DSCAM: variants seen among roughly 807,000 people sequenced by gnomAD.
DSCAM encodes the protein DS cell adhesion molecule.
In DSCAM, 47 loss-of-function variants were observed where a neutral mutation model predicts 217.7. That is an observed-to-expected ratio of 0.22 (90% CI 0.17 to 0.28). The LOEUF (loss-of-function observed/expected upper bound fraction) is 0.28. Among genes scored for constraint, DSCAM ranks in the 10% least tolerant of loss-of-function variants. The probability of loss-of-function intolerance (pLI) is 1.00; values close to 1 mark genes in which losing one functional copy is unlikely to be tolerated. For synonymous variants in DSCAM, 1,056 were observed against 1,015.3 expected, an observed-to-expected ratio of 1.04 and a Z score of -0.76; for missense variants, 2,080 against 2,618.3, an observed-to-expected ratio of 0.79 and a Z score of 4.49.
intron 3 of DSCAM, among the ~76,000 whole-genome samples, chr21:40,469,541 TAAAGCAA>T (rs2075871631): frequency 6.6e-6 from 1 of 152,082 alleles, no homozygotes; most frequent in Admixed American, 6.5e-5. Context: ...GTTAGATGTT[TAAAGCAA>T]AAAGGAAAAA....
At chr21:40,026,134 G>GT (rs1165651094) in intron 32 of DSCAM, among the ~76,000 whole-genome samples, 1 of 141,898 alleles carries the variant, frequency 7.0e-6, no homozygotes, top group Non-Finnish European at 1.6e-5. Flanking sequence ...TATGTACCCA[G>GT]TAGTCATTCA....
chr21:40,119,008 G>T (rs1056348238), intron 20 of DSCAM, among the ~76,000 whole-genome samples: 6 of 152,172 alleles, frequency 3.9e-5, no homozygotes, highest in Non-Finnish European at 2.9e-5. Context: ...GCGCCTCAGA[G>T]ATTTCTTTCT....
intron 3 of DSCAM, among the ~76,000 whole-genome samples, chr21:40,686,248 C>G (rs958467098): frequency 6.7e-6 from 1 of 149,670 alleles, no homozygotes; most frequent in Non-Finnish European, 1.5e-5. Context: ...ACACCACACA[C>G]AGCACACACT....
At chr21:40,173,103 A>G (rs1469929257) in intron 15 of DSCAM, among the ~76,000 whole-genome samples, 1 of 152,194 alleles carries the variant, frequency 6.6e-6, no homozygotes, top group Non-Finnish European at 1.5e-5. Flanking sequence ...TACAGCAGTG[A>G]GTGAGCAGAA....
At chr21:40,564,870 C>T (rs1264974115) in intron 3 of DSCAM, among the ~76,000 whole-genome samples, 1 of 146,000 alleles carries the variant, frequency 6.8e-6, no homozygotes. Context: ...ATAAGGAGAA[C>T]TGGTGTGCCA....
chr21:40,507,310 A>T (rs941986541), intron 3 of DSCAM, among the ~76,000 whole-genome samples: 2 of 152,258 alleles, frequency 1.3e-5, no homozygotes, highest in East Asian at 1.9e-4. Flanking sequence ...ATTTAAAAAA[A>T]CAGCCGCAAC....
At chr21:40,103,875 A>G (rs1601332649) in intron 20 of DSCAM, among the ~76,000 whole-genome samples, 1 of 151,468 alleles carries the variant, frequency 6.6e-6, no homozygotes, top group East Asian at 1.9e-4. Flanking sequence ...ATAATTATAT[A>G]CATAGACTAT....
At chr21:40,106,344 C>A (rs2089820340) in intron 20 of DSCAM, among the ~76,000 whole-genome samples, 1 of 152,072 alleles carries the variant, frequency 6.6e-6, no homozygotes, top group Admixed American at 6.6e-5. Flanking sequence ...TATCAATAAG[C>A]TTTTTGATGT....
Position 40,370,095 on chromosome 21 carries a change from GT to G in DSCAM, c.509-851del, listed in dbSNP as rs141967429. On this transcript the variant is annotated intron_variant, in intron 3 of 32. Transcript: ENST00000400454. ...AGTGTTAGTTTAAGAGGGCAAAAAT[GT>G]TTTTTTCCCTTTGAAAATGTAACTT... Among the ~76,000 whole-genome samples the G allele has an allele frequency of 3.2e-3, 489 of 152,190 alleles. 2 individuals are homozygous for G. The highest frequency in any genetic ancestry group is 0.011 in the African/African-American group (456 of 41,520).
intron 4 of DSCAM, among the ~76,000 whole-genome samples, chr21:40,359,152 A>G (rs1010106473): frequency 6.6e-6 from 1 of 152,226 alleles, no homozygotes; most frequent in African/African-American, 2.4e-5. Flanking sequence ...GGGGACCTGG[A>G]ATCTTCATAC....
At chr21:40,048,839 T>C (rs1403169471) in intron 30 of DSCAM, among the ~76,000 whole-genome samples, 1 of 152,188 alleles carries the variant, frequency 6.6e-6, no homozygotes, top group Non-Finnish European at 1.5e-5. Context: ...AGTGGGGGAC[T>C]GTGCTTCAGA....
At chr21:40,425,636 C>T (rs2075466227) in intron 3 of DSCAM, among the ~76,000 whole-genome samples, 1 of 137,268 alleles carries the variant, frequency 7.3e-6, no homozygotes, top group Admixed American at 7.8e-5. Flanking sequence ...GCTTGAACTC[C>T]AGCCTGAGCA....
chr21:40,052,264 G>A (rs2088945833), intron 29 of DSCAM, among the ~76,000 whole-genome samples, 157 bp from the exon 30 acceptor site: 1 of 152,164 alleles, frequency 6.6e-6, no homozygotes, highest in Non-Finnish European at 1.5e-5. Context: ...TTCAAGCACT[G>A]AATTAGCATT....
chr21:40,044,891 TC>T (rs1253474569), intron 30 of DSCAM, among the ~76,000 whole-genome samples: 1 of 152,006 alleles, frequency 6.6e-6, no homozygotes, highest in African/African-American at 2.4e-5. Context: ...GTGAATCACG[TC>T]CCCCCAAAAG....
At chr21:40,073,355 TACAG>T (rs2089322473) in intron 27 of DSCAM, among the ~76,000 whole-genome samples, 2 of 152,192 alleles carry the variant, frequency 1.3e-5, no homozygotes, top group Admixed American at 6.5e-5. Context: ...AGAAACATCA[TACAG>T]ACAATGTGCA....
chr21:40,051,893 A>G, intron 30 of DSCAM, 65 bp downstream of exon 30: 1 of 1,531,512 alleles, frequency 6.5e-7, no homozygotes, highest in South Asian at 1.3e-5. Context: ...TTGAGAGAGA[A>G]AGAACATTAC....
chr21:40,809,238 C>T (rs1177460199), intron 1 of DSCAM, among the ~76,000 whole-genome samples: 1 of 152,132 alleles, frequency 6.6e-6, no homozygotes, highest in East Asian at 1.9e-4. Flanking sequence ...CCAGGACAGA[C>T]TGGTAGCTCA....
At chr21:40,559,007 T>G (rs936497250) in intron 3 of DSCAM, among the ~76,000 whole-genome samples, 1 of 152,196 alleles carries the variant, frequency 6.6e-6, no homozygotes, top group African/African-American at 2.4e-5. Flanking sequence ...TCTGTGGCAC[T>G]CCAGAAAACA....
chr21:40,533,483 A>G (rs527959941), intron 3 of DSCAM, among the ~76,000 whole-genome samples: 5 of 135,030 alleles, frequency 3.7e-5, no homozygotes, highest in Non-Finnish European at 6.3e-5. Context: ...CCGTCCGTCC[A>G]TCCATCCATC....
Sources: gnomAD v4.1 joint callset for allele counts (sites outside exome capture counted in the v4.1 genomes callset) on GRCh38, gnomAD v4.1.1 for gene constraint, MANE v1.5 for transcripts, NCBI Gene and HGNC (gene_info 2026-07-23, HGNC 2026-07-21) for gene names.